STK32C: variants seen among roughly 807,000 people sequenced by gnomAD.
STK32C encodes serine/threonine kinase 32C, also known as serine/threonine-protein kinase 32C.
A neutral mutation model predicts 56.5 loss-of-function variants in STK32C; 31 were observed. The ratio of observed to expected loss-of-function variants is 0.55; its 90% CI spans 0.41 to 0.74. The LOEUF (loss-of-function observed/expected upper bound fraction) is 0.74. Among genes scored for constraint, STK32C ranks in the 30% least tolerant of loss-of-function variants. The pLI, the probability that STK32C is intolerant of heterozygous loss-of-function variation, is 0.00. For missense variants in STK32C, 544 were observed against 676.9 expected, an observed-to-expected ratio of 0.80 and a Z score of 2.18; for synonymous variants, 309 against 289.4, an observed-to-expected ratio of 1.07 and a Z score of -0.69.
chr10:132,314,059 C>T (rs2066270210), intron 1 of STK32C, among the ~76,000 whole-genome samples: 1 of 152,218 alleles, frequency 6.6e-6, no homozygotes. Context: ...CAGCCTCTGT[C>T]AGAACTCAGC....
At chr10:132,308,328 G>A (rs1230133364), upstream of STK32C, among the ~76,000 whole-genome samples, 1 of 152,186 alleles carries the variant, frequency 6.6e-6, no homozygotes, top group Admixed American at 6.5e-5. Context: ...GGACTGCTGT[G>A]CCCGGCACGG....
intron 10 of STK32C, among the ~76,000 whole-genome samples, chr10:132,221,521 A>G (rs1360410224): frequency 1.4e-5 from 2 of 138,382 alleles, no homozygotes; most frequent in African/African-American, 2.8e-5. Flanking sequence ...CACACAACTA[A>G]TATCAACGCA....
intron 1 of STK32C, among the ~76,000 whole-genome samples, chr10:132,264,837 TGATG>T (rs995681211): frequency 6.6e-6 from 1 of 152,200 alleles, no homozygotes; most frequent in Non-Finnish European, 1.5e-5. Flanking sequence ...CAGTTTTCCT[TGATG>T]GAAGACGTAA....
chr10:132,258,692 G>C (rs770778238), intron 1 of STK32C, among the ~76,000 whole-genome samples: 3 of 152,240 alleles, frequency 2.0e-5, no homozygotes, highest in Admixed American at 6.5e-5. Context: ...CGCTGACGCT[G>C]TGAGGGCCAG....
upstream of STK32C, chr10:132,331,847 G>A (rs756265176): frequency 3.4e-6 from 5 of 1,476,152 alleles, no homozygotes; most frequent in African/African-American, 1.4e-5. Flanking sequence ...CGGAAAAACG[G>A]ATGCTACCGT....
At chr10:132,232,104 G>T (rs998812643) in intron 2 of STK32C, among the ~76,000 whole-genome samples, 2 of 152,194 alleles carry the variant, frequency 1.3e-5, no homozygotes, top group South Asian at 4.1e-4. Context: ...AGCCTCACCT[G>T]CGCTCACGCT....
intron 1 of STK32C, among the ~76,000 whole-genome samples, chr10:132,285,671 A>C (rs547985339): frequency 6.6e-5 from 10 of 152,366 alleles, no homozygotes; most frequent in African/African-American, 2.2e-4. Context: ...ACAACAACCC[A>C]AAATATGTGG....
intron 1 of STK32C, among the ~76,000 whole-genome samples, chr10:132,317,871 G>A (rs904406902): frequency 4.0e-5 from 6 of 151,506 alleles, no homozygotes; most frequent in African/African-American, 1.2e-4. Context: ...CCAGCTACTC[G>A]GGGGGCTGAG....
At chr10:132,211,016 C>T (rs1344360010) in intron 10 of STK32C, among the ~76,000 whole-genome samples, 1 of 152,184 alleles carries the variant, frequency 6.6e-6, no homozygotes, top group Non-Finnish European at 1.5e-5. Flanking sequence ...CGGCAGACTC[C>T]CACGCTCTCT....
At chr10:132,325,633 T>C (rs1312608506) in intron 1 of STK32C, among the ~76,000 whole-genome samples, 1 of 151,840 alleles carries the variant, frequency 6.6e-6, no homozygotes, top group Admixed American at 6.6e-5. Context: ...CCTCCTTGCC[T>C]TCCGCCATGA....
chr10:132,225,332 C>T lies in STK32C; in HGVS notation c.777G>A (p.Pro259=), dbSNP rs142198938. 6.1e-5 allele frequency: 98 copies of T among 1,607,940 alleles called. No individual in the cohort carries two copies. The highest frequency in any genetic ancestry group is 1.2e-4 in the African/African-American group (9 of 74,662). ...ALAGTKPYMA[P]EIFHSFVNGG... ...CGTTGACAAAAGAGTGGAAGATCTC[C>T]GGAGCTTTCCGACAGAAAGAAGGAA... is the stretch of plus-strand genomic sequence containing the variant. The change falls in exon 7 of 12, where the codon CCG becomes CCA. Residue 259 remains proline, a synonymous_variant. Coordinates refer to ENST00000298630, the MANE Select transcript of STK32C (RefSeq NM_173575.4).
At chr10:132,225,150 G>A (rs1225456634) in intron 7 of STK32C, 83 bp downstream of exon 7, 4 of 1,168,058 alleles carry the variant, frequency 3.4e-6, no homozygotes, top group Admixed American at 2.6e-5. Context: ...TGGACACTGG[G>A]GCAGCCACCC....
intron 1 of STK32C, among the ~76,000 whole-genome samples, chr10:132,294,119 G>A (rs549968313): frequency 2.0e-5 from 3 of 152,356 alleles, no homozygotes; most frequent in African/African-American, 7.2e-5. Flanking sequence ...CTGGAGACAG[G>A]AATTGGGAGT....
rs181509404 is a variant in STK32C at position 132,328,333 on chromosome 10, G to C, written c.301+3103C>G. On this transcript the variant is annotated intron_variant, in intron 1 of 1. Coordinates refer to the STK32C transcript ENST00000368619. ...GGGTGGGTGCCCGAACTGCCGGAGC[G>C]AGATTACAGGTCTGGGTGGTGTCGG... Among the ~76,000 whole-genome samples the C allele has an allele frequency of 7.2e-5, 11 of 152,184 alleles. No homozygotes were observed. In the East Asian group the frequency reaches 2.1e-3, roughly 29 times the overall value.
intron 1 of STK32C, chr10:132,330,431 C>T (rs182844657): frequency 9.2e-5 from 66 of 717,236 alleles, no homozygotes; most frequent in East Asian, 8.0e-4. Context: ...TTGCTCTGCC[C>T]GGGTGGCTGG....
intron 1 of STK32C, among the ~76,000 whole-genome samples, chr10:132,290,202 T>C (rs2065522842): frequency 6.6e-6 from 1 of 152,196 alleles, no homozygotes; most frequent in Admixed American, 6.5e-5. Context: ...GCCTCCCCGC[T>C]GGACACCGCA....
chr10:132,298,788 A>T (rs1175289568), intron 1 of STK32C, among the ~76,000 whole-genome samples: 3 of 152,150 alleles, frequency 2.0e-5, no homozygotes, highest in African/African-American at 7.2e-5. Context: ...CAGGAGCCAC[A>T]TGGGGAAGCT....
intron 10 of STK32C, among the ~76,000 whole-genome samples, chr10:132,216,242 A>C (rs1214992183): frequency 2.0e-5 from 3 of 152,216 alleles, no homozygotes; most frequent in Non-Finnish European, 2.9e-5. Context: ...AGGCAGGCAG[A>C]TCACCTGAGG....
chr10:132,253,621 TG>T (rs1159493133), intron 1 of STK32C, among the ~76,000 whole-genome samples: 2 of 143,566 alleles, frequency 1.4e-5, no homozygotes, highest in African/African-American at 5.2e-5. Context: ...CCGAGGGAGC[TG>T]GAGGGAGCTG....
Sources: gnomAD v4.1 joint callset for allele counts (sites outside exome capture counted in the v4.1 genomes callset) on GRCh38, gnomAD v4.1.1 for gene constraint, MANE v1.5 for transcripts, NCBI Gene and HGNC (gene_info 2026-07-23, HGNC 2026-07-21) for gene names.